The following CALN1 variants were observed in gnomAD, a reference collection of about 807,000 sequenced individuals.
CALN1 encodes the protein calcium-binding protein 8.
A neutral mutation model predicts 30.6 loss-of-function variants in CALN1; 17 were observed. The ratio of observed to expected loss-of-function variants is 0.56; its 90% CI spans 0.38 to 0.83. The LOEUF is 0.83. Ranked by LOEUF, CALN1 falls within the 40% of genes least tolerant of loss-of-function variation. The pLI, the probability that CALN1 is intolerant of heterozygous loss-of-function variation, is 0.00. For synonymous variants in CALN1, 156 were observed against 131.4 expected, an observed-to-expected ratio of 1.19 and a Z score of -1.28; for missense variants, 291 against 354.9, an observed-to-expected ratio of 0.82 and a Z score of 1.45.
chr7:71,965,224 T>G (rs1797473551), intron 5 of CALN1, among the ~76,000 whole-genome samples: 1 of 151,866 alleles, frequency 6.6e-6, no homozygotes, highest in Non-Finnish European at 1.5e-5. Context: ...AGAAACAGAG[T>G]CTTGTTATGT....
At chr7:71,848,484 C>A (rs539044761) in intron 5 of CALN1, among the ~76,000 whole-genome samples, 16 of 152,206 alleles carry the variant, frequency 1.1e-4, no homozygotes, top group African/African-American at 3.9e-4. Flanking sequence ...GAAAATAAAA[C>A]CCCGTAGAAT....
At chr7:72,074,544 A>C (rs1804607873) in intron 4 of CALN1, among the ~76,000 whole-genome samples, 1 of 152,134 alleles carries the variant, frequency 6.6e-6, no homozygotes, top group Non-Finnish European at 1.5e-5. Flanking sequence ...AGTAGCTGGG[A>C]TTACAGGCAC....
rs369446495 is a variant in CALN1, at chr7:72,014,181, G to A, written c.501+9476C>T. On this transcript the variant is annotated intron_variant, in intron 5 of 6. Coordinates refer to ENST00000395275, the MANE Select transcript of CALN1 (RefSeq NM_031468.4). ...AGCTCACTGCAGCCTCCGTCCCCTG[G>A]GCTCCGGTGATTCCCCTGCCTCAGC... 3.2e-4 allele frequency among the ~76,000 whole-genome samples: 48 copies of A among 151,262 alleles called. No individual in the cohort carries two copies. In the East Asian group the frequency reaches 4.9e-3, roughly 15 times the overall value.
intron 4 of CALN1, among the ~76,000 whole-genome samples, chr7:72,064,333 T>C (rs1803875489): frequency 6.6e-6 from 1 of 151,768 alleles, no homozygotes; most frequent in Non-Finnish European, 1.5e-5. Flanking sequence ...AAATGAAAAC[T>C]CGTTTTTCTC....
chr7:72,433,603 TCA>T (rs1041604047), intron 1 of CALN1, among the ~76,000 whole-genome samples: 42 of 152,132 alleles, frequency 2.8e-4, no homozygotes, highest in African/African-American at 1.0e-3. Flanking sequence ...CAGAAAACTC[TCA>T]GTTTTGGCTC....
At chr7:72,464,442 T>C in the CALN1 span, among the ~76,000 whole-genome samples, 1 of 152,210 alleles carries the variant, frequency 6.6e-6, no homozygotes. Flanking sequence ...AAATTCATAT[T>C]CCAATGGTGA....
chr7:72,205,491 C>T (rs1791760571), intron 3 of CALN1, among the ~76,000 whole-genome samples: 1 of 144,262 alleles, frequency 6.9e-6, no homozygotes, highest in Admixed American at 7.2e-5. Context: ...GCATGAGCCA[C>T]CACACCCAGC....
Position 71,786,069 on chromosome 7 carries a change from T to TG in CALN1, c.*1705dup, listed in dbSNP as rs1268110422. 1 of 152,674 alleles carries TG rather than the reference T, an allele frequency of 6.5e-6. No individual in the cohort carries two copies. Among genetic ancestry groups the TG allele is most frequent in the Non-Finnish European group, 1.5e-5 (1 of 68,064 alleles). 9.5% of individuals were successfully genotyped at this position (152,674 alleles called of 1,614,324 possible). A position where few individuals can be genotyped will look rare whatever the true frequency, so the allele number is the denominator to read the frequency against. On this transcript the variant is annotated 3_prime_UTR_variant, in exon 7 of 7. Transcript: ENST00000395275. Reference sequence around the variant, plus strand: ...GTTTCTACAGCTGCCCTCAGGCTGTTGCCAGTAGCACTTGCAGAGGTGAAT... The same window carrying TG: ...GTTTCTACAGCTGCCCTCAGGCTGTTGGCCAGTAGCACTTGCAGAGGTGAAT...
upstream of CALN1, among the ~76,000 whole-genome samples, chr7:72,450,712 T>G (rs868217471): frequency 6.6e-6 from 1 of 152,068 alleles, no homozygotes; most frequent in South Asian, 2.1e-4. Flanking sequence ...AAACTCCATC[T>G]CTACTAAAAG....
intron 3 of CALN1, among the ~76,000 whole-genome samples, chr7:72,121,317 A>C (rs1808372892): frequency 6.9e-6 from 1 of 144,240 alleles, no homozygotes; most frequent in African/African-American, 2.5e-5. Context: ...TTAAGTGAAT[A>C]TATAAATTAA....
intron 5 of CALN1, among the ~76,000 whole-genome samples, chr7:71,981,954 C>G (rs1009608835): frequency 6.6e-6 from 1 of 152,124 alleles, no homozygotes; most frequent in Non-Finnish European, 1.5e-5. Flanking sequence ...TCACTCTTTT[C>G]CTGCAATGGG....
intron 3 of CALN1, among the ~76,000 whole-genome samples, chr7:72,218,143 A>C (rs974117647): frequency 3.3e-5 from 5 of 151,590 alleles, no homozygotes; most frequent in Non-Finnish European, 7.4e-5. Flanking sequence ...CGCTCCGCCA[A>C]AATTTTTTTT....
In CALN1 at chr7:72,087,742, G is replaced by A. The variant is rs537962585; in HGVS notation, c.388+18409C>T. On this transcript the variant is annotated intron_variant, in intron 4 of 6. Transcript: ENST00000395275. The stretch of plus-strand genomic sequence containing the variant: ...AGAAAGAACAGCTATGAGGGGTATT[G>A]GAAGGCCATAGCCCAGGATCTAAGC... Among the ~76,000 whole-genome samples, 105 of 152,160 alleles carry A rather than the reference G, an allele frequency of 6.9e-4. 1 individual carries two copies. Among genetic ancestry groups the A allele is most frequent in the Non-Finnish European group, 6.0e-4 (41 of 68,030 alleles).
At chr7:71,834,204 C>T (rs1252002231) in intron 5 of CALN1, among the ~76,000 whole-genome samples, 9 of 110,518 alleles carry the variant, frequency 8.1e-5, no homozygotes, top group Non-Finnish European at 1.5e-4. Flanking sequence ...GGTGACAGAG[C>T]GAGACTCCAT....
rs1023796584 is a variant in CALN1, at chr7:72,403,237, GGAA to G, written c.119+11_119+13del. 20 of 1,544,314 alleles carry G rather than the reference GGAA, an allele frequency of 1.3e-5. No individual in the cohort carries two copies. The highest frequency in any genetic ancestry group is 1.2e-4 in the Admixed American group (6 of 50,938). On this transcript the variant is annotated intron_variant, in intron 2 of 6. Transcript: ENST00000395275. Reference sequence around the variant, plus strand: ...AACAATCTAGGTCCTTGGGTTTGGGGGAAGAAGACTTGCCAGGTGGGGAAGTCG... The same window carrying G: ...AACAATCTAGGTCCTTGGGTTTGGGGGAAGACTTGCCAGGTGGGGAAGTCG...
intron 5 of CALN1, among the ~76,000 whole-genome samples, chr7:71,884,754 A>C (rs1488321505): frequency 6.6e-6 from 1 of 152,204 alleles, no homozygotes; most frequent in African/African-American, 2.4e-5. Flanking sequence ...ACAAGGAATC[A>C]AAATATTTTA....
At chr7:72,306,107 C>CAT (rs1350650519) in intron 2 of CALN1, among the ~76,000 whole-genome samples, 3 of 152,168 alleles carry the variant, frequency 2.0e-5, no homozygotes, top group African/African-American at 7.2e-5. Context: ...CCTTGTATAT[C>CAT]ATGACTTACT....
intron 1 of CALN1, among the ~76,000 whole-genome samples, chr7:72,406,915 C>T (rs901911225): frequency 1.3e-5 from 2 of 152,106 alleles, no homozygotes; most frequent in Non-Finnish European, 2.9e-5. Context: ...CGCGCCAGCC[C>T]CTTGTCAGCT....
rs1331302586 is a variant in CALN1, at chr7:71,780,060, C to T, written c.*7715G>A. The T allele has an allele frequency of 6.6e-6, 1 of 152,140 alleles. No homozygotes were observed. The highest frequency in any genetic ancestry group is 2.1e-4 in the South Asian group (1 of 4,820). 9.4% of individuals were successfully genotyped at this position (152,140 alleles called of 1,614,324 possible). On this transcript the variant is annotated 3_prime_UTR_variant, in exon 7 of 7. Coordinates refer to ENST00000395275, the MANE Select transcript of CALN1 (RefSeq NM_031468.4). ...CCCCATCCAACAGTTGACAGTTCAC[C>T]AACCCAATGCCTGGACAGACTTTCT...
Sources: allele counts gnomAD v4.1 joint callset (sites outside exome capture counted in the v4.1 genomes callset), GRCh38; gene constraint gnomAD v4.1.1; transcripts MANE v1.5; gene names NCBI Gene and HGNC (gene_info 2026-07-23, HGNC 2026-07-21).